GMDS: variants seen among roughly 807,000 people sequenced by gnomAD.
The protein encoded by GMDS is GDP-mannose 4,6-dehydratase, also known as GDP-mannose 4,6 dehydratase.
GMDS carries 20 observed loss-of-function variants against 49.9 expected under a neutral mutation model. The ratio of observed to expected loss-of-function variants is 0.40; its 90% confidence interval spans 0.28 to 0.58. The LOEUF is 0.58. Ranked by LOEUF, GMDS falls within the 20% of genes least tolerant of loss-of-function variation. The pLI, the probability that GMDS is intolerant of heterozygous loss-of-function variation, is 0.42. For synonymous variants in GMDS, 177 were observed against 178.6 expected (o/e 0.99, Z 0.07); for missense variants, 362 against 481.4 (o/e 0.75, Z 2.32).
chr6:2,209,058 T>A (rs1779941384), intron 1 of GMDS, among the ~76,000 whole-genome samples: 1 of 152,114 alleles, frequency 6.6e-6, no homozygotes, highest in Admixed American at 6.5e-5. Context: ...TAACAGCACA[T>A]GGTTAAGTGT....
At chr6:1,984,572 C>A (rs1214443661) in intron 4 of GMDS, among the ~76,000 whole-genome samples, 1 of 152,156 alleles carries the variant, frequency 6.6e-6, no homozygotes, top group South Asian at 2.1e-4. Flanking sequence ...TAAATCTACC[C>A]CCTTAACACC....
intron 7 of GMDS, among the ~76,000 whole-genome samples, chr6:1,914,329 G>A (rs1193587830): frequency 2.7e-5 from 4 of 150,940 alleles, no homozygotes; most frequent in African/African-American, 7.3e-5. Flanking sequence ...GGTGGTGGGC[G>A]CCTGCATTCC....
chr6:1,832,310 A>G (rs1756691296), intron 7 of GMDS, among the ~76,000 whole-genome samples: 1 of 151,908 alleles, frequency 6.6e-6, no homozygotes, highest in Non-Finnish European at 1.5e-5. Context: ...AAGCTCCTCG[A>G]ACCCACCAGG....
At chr6:1,930,260 T>A in intron 6 of GMDS, 30 bp from the exon 7 acceptor site, 1 of 1,601,358 alleles carries the variant, frequency 6.2e-7, no homozygotes, top group Non-Finnish European at 8.5e-7. Flanking sequence ...GTAGTATCAG[T>A]CAAGTGCACT....
chr6:1,950,284 A>G (rs1393796549), intron 6 of GMDS, among the ~76,000 whole-genome samples: 1 of 152,242 alleles, frequency 6.6e-6, no homozygotes, highest in African/African-American at 2.4e-5. Flanking sequence ...CTATGCATTG[A>G]AAGATAATCT....
In GMDS at chr6:1,836,122, C is replaced by G. The variant is rs1413400552; in HGVS notation, c.772-93536G>C. ...GATCTCGTGATCCACCCGCCTCAGC[C>G]TCCCAAAGTGCTGGGATTACAGGCC... On this transcript the variant is annotated intron_variant, in intron 7 of 10. Coordinates refer to ENST00000380815, the MANE Select transcript of GMDS (RefSeq NM_001500.4). The surrounding 1 kb of genome is among the most constrained non-coding windows in gnomAD (Gnocchi z 4.2). 6.6e-6 allele frequency among the ~76,000 whole-genome samples: 1 copy of G among 152,212 alleles called. No individual in the cohort carries two copies. The highest frequency in any genetic ancestry group is 2.4e-5 in the African/African-American group (1 of 41,450).
rs181762906 is a variant in GMDS at position 2,146,573 on chromosome 6, T to C, written c.103-21842A>G. On this transcript the variant is annotated intron_variant, in intron 1 of 10. Coordinates refer to ENST00000380815, the MANE Select transcript of GMDS (RefSeq NM_001500.4). The stretch of plus-strand genomic sequence containing the variant: ...GTAGCCCTAAAGCTTTGTGATCTTA[T>C]GATACTATCAGAAAGGGCCAAATTC... Among the ~76,000 whole-genome samples the C allele has an allele frequency of 5.7e-3, 865 of 152,348 alleles. 2 individuals are homozygous for C. The highest frequency in any genetic ancestry group is 0.017 in the Middle Eastern group (5 of 294).
At chr6:2,061,486 G>GCGAC (rs1453469123) in intron 4 of GMDS, among the ~76,000 whole-genome samples, 1 of 152,018 alleles carries the variant, frequency 6.6e-6, no homozygotes, top group Non-Finnish European at 1.5e-5. Context: ...GGAGGTTGAG[G>GCGAC]CGGTCGGATC....
chr6:2,006,411 C>A (rs192670709), intron 4 of GMDS, among the ~76,000 whole-genome samples: 202 of 152,164 alleles, frequency 1.3e-3, no homozygotes, highest in Admixed American at 4.3e-3. Context: ...CTGAACCACA[C>A]AGCAAGATCC....
chr6:2,116,607 T>C (rs938070033), intron 3 of GMDS, among the ~76,000 whole-genome samples: 2 of 152,210 alleles, frequency 1.3e-5, no homozygotes, highest in African/African-American at 4.8e-5. Flanking sequence ...CCTTTTACTG[T>C]GGACAACTGC....
intron 7 of GMDS, among the ~76,000 whole-genome samples, chr6:1,826,594 C>G (rs1202900209): frequency 1.3e-5 from 2 of 152,142 alleles, no homozygotes; most frequent in Non-Finnish European, 2.9e-5. Flanking sequence ...ATTAATGAGG[C>G]AAGTTAAAAT....
At chr6:2,098,731 T>C (rs1170669266) in intron 4 of GMDS, among the ~76,000 whole-genome samples, 1 of 152,266 alleles carries the variant, frequency 6.6e-6, no homozygotes, top group East Asian at 1.9e-4. Context: ...GGAACAAGTT[T>C]GCCACCTTGA....
chr6:2,237,552 C>T (rs1241553422), intron 1 of GMDS, among the ~76,000 whole-genome samples: 2 of 138,998 alleles, frequency 1.4e-5, no homozygotes, highest in Non-Finnish European at 3.0e-5. Context: ...GACAAAGTCT[C>T]GCTCTGTCAC....
intron 1 of GMDS, among the ~76,000 whole-genome samples, chr6:2,245,106 CAGAGAA>C (rs1781802102): frequency 6.6e-6 from 1 of 152,222 alleles, no homozygotes; most frequent in Admixed American, 6.5e-5. Context: ...TCACAGCCCC[CAGAGAA>C]AGACCAGAGG....
At chr6:2,093,572 CA>C (rs1352210379) in intron 4 of GMDS, among the ~76,000 whole-genome samples, 3 of 151,848 alleles carry the variant, frequency 2.0e-5, no homozygotes, top group Non-Finnish European at 4.4e-5. Flanking sequence ...TTATAATGCT[CA>C]ATATAAATAT....
At chr6:1,788,072 T>C (rs1218788700) in intron 7 of GMDS, among the ~76,000 whole-genome samples, 2 of 151,956 alleles carry the variant, frequency 1.3e-5, no homozygotes, top group Non-Finnish European at 2.9e-5. Flanking sequence ...ATTGGAATAT[T>C]AACATGTGGA....
intron 1 of GMDS, among the ~76,000 whole-genome samples, chr6:2,169,583 G>A (rs1487095105): frequency 6.7e-6 from 1 of 149,656 alleles, no homozygotes; most frequent in African/African-American, 2.5e-5. Flanking sequence ...ACTCCAGCCT[G>A]GGCAACAGAG....
chr6:2,211,607 T>C (rs948354204), intron 1 of GMDS, among the ~76,000 whole-genome samples: 2 of 152,148 alleles, frequency 1.3e-5, no homozygotes, highest in African/African-American at 2.4e-5. Flanking sequence ...AATGCTCAAA[T>C]AGTCTCACTC....
chr6:1,817,913 T>A (rs1770736277), intron 7 of GMDS, among the ~76,000 whole-genome samples: 1 of 152,170 alleles, frequency 6.6e-6, no homozygotes, highest in Admixed American at 6.5e-5. Context: ...TTTCTTTTTT[T>A]AATGGAGAAC....
Sources: allele counts gnomAD v4.1 joint callset (sites outside exome capture counted in the v4.1 genomes callset), GRCh38; gene constraint gnomAD v4.1.1; non-coding constraint Gnocchi (gnomAD v3.1); transcripts MANE v1.5; gene names NCBI Gene and HGNC (gene_info 2026-07-23, HGNC 2026-07-21).